The following NPHP4 variants were observed in gnomAD, a reference collection of about 807,000 sequenced individuals.
NPHP4 encodes nephrocystin-4.
Under a neutral mutation model 155.8 loss-of-function variants are expected in NPHP4, and 151 were observed. The observed-to-expected ratio is 0.97, with a 90% confidence interval of 0.85 to 1.11. The LOEUF (loss-of-function observed/expected upper bound fraction) is 1.11, where lower values mean the gene tolerates loss of function less well. Ranked by LOEUF, NPHP4 falls within the 50% of genes least tolerant of loss-of-function variation. NPHP4 has a pLI of 0.00. For missense variants in NPHP4, 1,956 were observed against 1,925.7 expected, an observed-to-expected ratio of 1.02 and a Z score of -0.29; for synonymous variants, 845 against 816.8, an observed-to-expected ratio of 1.03 and a Z score of -0.59.
chr1:5,961,905 T>A lies in NPHP4; in HGVS notation c.562A>T (p.Thr188Ser), dbSNP rs576243530. 2.5e-6 allele frequency: 4 copies of A among 1,612,854 alleles called. No individual in the cohort carries two copies. The African/African-American group carries it at 4.0e-5, about 16-fold the overall frequency. The change falls in exon 6 of 30, where the codon ACG becomes TCG. Residue 188 changes from threonine (T) to serine (S), a missense_variant. Transcript: ENST00000378156. ...TCCAGGGCCGGGTGTGGCTTCAGCG[T>A]GTACTGCAGGCTGCAGTTCTCAATG... is the stretch of plus-strand genomic sequence containing the variant. ...TLIENCSLQY[T>S]LKPHPALEPA...
chr1:5,941,245 A>G (rs892081229), intron 9 of NPHP4, among the ~76,000 whole-genome samples: 7 of 149,072 alleles, frequency 4.7e-5, no homozygotes, highest in Non-Finnish European at 1.0e-4. Context: ...CTGGGAAAAG[A>G]TAAAATCAGA....
rs746158441 is a variant in NPHP4 at position 5,927,615 on chromosome 1, G to A, written c.1441+34C>T. On this transcript the variant is annotated intron_variant, in intron 11 of 29. Transcript: ENST00000378156. ...AAGAGATGGAAGTGCTGCCTGCCATGTGCCTGGCCAGTCAGCTCTCTGGAA... is the reference window on the plus strand; with the variant it reads ...AAGAGATGGAAGTGCTGCCTGCCATATGCCTGGCCAGTCAGCTCTCTGGAA... 3.8e-6 allele frequency: 6 copies of A among 1,577,136 alleles called. No individual in the cohort carries two copies. The South Asian group carries it at 6.8e-5, about 18-fold the overall frequency.
chr1:5,954,378 T>C (rs114833116), intron 6 of NPHP4, among the ~76,000 whole-genome samples: 173 of 152,330 alleles, frequency 1.1e-3, no homozygotes, highest in African/African-American at 3.7e-3. Context: ...TTCCATCTGA[T>C]AGCGATGGTA....
In NPHP4 at chr1:5,892,587, C is replaced by T. The variant is rs531600499; in HGVS notation, c.2144-1559G>A. Among the ~76,000 whole-genome samples the T allele has an allele frequency of 7.9e-5, 12 of 152,164 alleles. No homozygotes were observed. In the South Asian group the frequency reaches 1.7e-3, roughly 21 times the overall value. ...GGGTATAGTGGTGACAGAATGGGGG[C>T]CGGTCCAGCGGGGCACTGGAAGGAG... On this transcript the variant is annotated intron_variant, in intron 16 of 29. Transcript: ENST00000378156. This position sits in a 1 kb window ranked among gnomAD's most constrained non-coding sequence, Gnocchi z 4.5.
At chr1:5,976,719 C>T (rs1570726023) in intron 3 of NPHP4, among the ~76,000 whole-genome samples, 1 of 152,224 alleles carries the variant, frequency 6.6e-6, no homozygotes, top group Non-Finnish European at 1.5e-5. Flanking sequence ...TTTATTGAAG[C>T]TTCGTGACCT....
intron 3 of NPHP4, among the ~76,000 whole-genome samples, chr1:5,970,895 T>A (rs1652443016): frequency 6.6e-6 from 1 of 152,122 alleles, no homozygotes; most frequent in African/African-American, 2.4e-5. Context: ...TATTGCAATA[T>A]GATGAAATAA....
At chr1:5,885,714 G>A (rs948403204) in intron 18 of NPHP4, among the ~76,000 whole-genome samples, 5 of 152,230 alleles carry the variant, frequency 3.3e-5, no homozygotes, top group East Asian at 3.8e-4. Context: ...GTTCTGTCCC[G>A]TGCGGTAACC....
At chr1:5,896,556 G>A (rs183408288) in intron 16 of NPHP4, among the ~76,000 whole-genome samples, 2 of 152,306 alleles carry the variant, frequency 1.3e-5, no homozygotes, top group South Asian at 2.1e-4. Context: ...AATACATGAT[G>A]AGAAACCATG....
At chr1:5,958,856 C>CAAAAAAAAAAA (rs397705325) in intron 6 of NPHP4, among the ~76,000 whole-genome samples, 2 of 75,862 alleles carry the variant, frequency 2.6e-5, no homozygotes, top group East Asian at 4.5e-4. Context: ...GACCCTGTCT[C>CAAAAAAAAAAA]AAAAAAAAAA....
At position 5,944,546 on chromosome 1, in the gene NPHP4, C is replaced by T. The variant is rs1452944488; in HGVS notation, c.1119+2558G>A. Among the ~76,000 whole-genome samples the T allele has an allele frequency of 6.6e-6, 1 of 152,220 alleles. No individual in the cohort carries two copies. Among genetic ancestry groups the T allele is most frequent in the African/African-American group, 2.4e-5 (1 of 41,444 alleles). ...ACTTCCAATGGTTCCGCACAGGAAG[C>T]AATTTTTGTGTGGAAGGTCATTTCA... On this transcript the variant is annotated intron_variant, in intron 9 of 29. Transcript: ENST00000378156. The surrounding 1 kb of genome is among the most constrained non-coding windows in gnomAD (Gnocchi z 4.3).
chr1:5,957,092 G>A (rs142464275), intron 6 of NPHP4, among the ~76,000 whole-genome samples: 32 of 152,268 alleles, frequency 2.1e-4, no homozygotes, highest in African/African-American at 6.7e-4. Context: ...TGGCAGAAGT[G>A]ACCCCCACTG....
chr1:5,899,325 C>G lies in NPHP4; in HGVS notation c.2143+5292G>C, dbSNP rs185874294. Among the ~76,000 whole-genome samples the G allele has an allele frequency of 9.1e-3, 1,379 of 152,236 alleles. 13 individuals are homozygous for G. Among genetic ancestry groups the G allele is most frequent in the Non-Finnish European group, 0.015 (1,037 of 68,026 alleles). Reference sequence around the variant, plus strand: ...ACCCGACACTGGGCTTCTCTACAGCCAGGAAAACAGAAACGCTACTGCTAT... The same window carrying G: ...ACCCGACACTGGGCTTCTCTACAGCGAGGAAAACAGAAACGCTACTGCTAT... On this transcript the variant is annotated intron_variant, in intron 16 of 29. Coordinates refer to ENST00000378156, the MANE Select transcript of NPHP4 (RefSeq NM_015102.5).
chr1:5,925,727 T>C (rs1386890488), intron 11 of NPHP4, among the ~76,000 whole-genome samples: 2 of 152,272 alleles, frequency 1.3e-5, no homozygotes, highest in South Asian at 2.1e-4. Flanking sequence ...GCCGTTCTCC[T>C]GCCTCAGCCT....
chr1:5,864,048 G>A lies in NPHP4; in HGVS notation c.3997-15C>T, dbSNP rs754743775. ...ATCTCAAAGGCCTGTGGAGGGAGGG[G>A]ACAGGGAGACGCTGCGGCCACTCAC... On this transcript the variant is annotated splice_polypyrimidine_tract_variant and intron_variant, in intron 28 of 29. Transcript: ENST00000378156. 9.9e-5 allele frequency: 159 copies of A among 1,611,732 alleles called. No homozygotes were observed. Among genetic ancestry groups the A allele is most frequent in the Non-Finnish European group, 1.2e-4 (143 of 1,179,124 alleles).
intron 9 of NPHP4, among the ~76,000 whole-genome samples, chr1:5,938,573 C>T (rs1646666233): frequency 1.3e-5 from 2 of 152,234 alleles, no homozygotes; most frequent in Admixed American, 1.3e-4. Context: ...ATCCTAACCA[C>T]AGGCAGTTAA....
intron 6 of NPHP4, among the ~76,000 whole-genome samples, chr1:5,961,592 A>T (rs1178288737): frequency 6.6e-6 from 1 of 152,130 alleles, no homozygotes; most frequent in Non-Finnish European, 1.5e-5. Context: ...GATGTGAGAC[A>T]CTATTTAGGA....
chr1:5,986,391 G>A, intron 1 of NPHP4, 64 bp from the exon 2 acceptor site: 1 of 1,311,860 alleles, frequency 7.6e-7, no homozygotes, highest in Non-Finnish European at 1.0e-6. Context: ...CAGCAATCCT[G>A]AAGGCTTCTG....
intron 6 of NPHP4, 144 bp downstream of exon 6, chr1:5,961,650 A>C (rs2102136879): frequency 1.4e-6 from 1 of 703,712 alleles, no homozygotes; most frequent in Admixed American, 2.3e-5. Context: ...ACTGTCCCCC[A>C]CAACCCCCGC....
rs114025296 is a variant in NPHP4 at position 5,885,275 on chromosome 1, A to C, written c.2485+2011T>G. On this transcript the variant is annotated intron_variant, in intron 18 of 29. Coordinates refer to ENST00000378156, the MANE Select transcript of NPHP4 (RefSeq NM_015102.5). ...AAACCCGTCCTACTCCGCAACCAAGATAAGTGCCCAAGCTCCCAGAAAAAC... is the reference window on the plus strand; with the variant it reads ...AAACCCGTCCTACTCCGCAACCAAGCTAAGTGCCCAAGCTCCCAGAAAAAC... Among the ~76,000 whole-genome samples, 523 of 149,470 alleles carry C rather than the reference A, an allele frequency of 3.5e-3. 6 individuals are homozygous for C. The highest frequency in any genetic ancestry group is 0.012 in the African/African-American group (493 of 40,418).
Sources: allele counts gnomAD v4.1 joint callset (sites outside exome capture counted in the v4.1 genomes callset), GRCh38; gene constraint gnomAD v4.1.1; non-coding constraint Gnocchi (gnomAD v3.1); transcripts MANE v1.5; gene names NCBI Gene and HGNC (gene_info 2026-07-23, HGNC 2026-07-21).